The following CUBN variants were observed in gnomAD, a reference collection of about 807,000 sequenced individuals.
CUBN encodes the protein cubilin.
A neutral mutation model predicts 405.3 loss-of-function variants in CUBN; 282 were observed. That is an observed-to-expected ratio of 0.70 (90% CI 0.63 to 0.77). CUBN has a LOEUF of 0.77. Among genes scored for constraint, CUBN ranks in the 30% least tolerant of loss-of-function variants. The pLI, the probability that CUBN is intolerant of heterozygous loss-of-function variation, is 0.00. For synonymous variants in CUBN, 1,684 were observed against 1,617.0 expected, an observed-to-expected ratio of 1.04 and a Z score of -0.99; for missense variants, 4,514 against 4,475.2, an observed-to-expected ratio of 1.01 and a Z score of -0.25.
chr10:16,930,654 G>A (rs187324788), intron 40 of CUBN, among the ~76,000 whole-genome samples: 5 of 152,286 alleles, frequency 3.3e-5, no homozygotes, highest in East Asian at 3.9e-4. Context: ...GGGTAGATGC[G>A]TGGTCTGGAA....
intron 56 of CUBN, among the ~76,000 whole-genome samples, chr10:16,880,155 G>A (rs1303769784): frequency 2.0e-5 from 3 of 152,196 alleles, no homozygotes; most frequent in Non-Finnish European, 4.4e-5. Context: ...GTTTAAACCA[G>A]GTTGAATCAA....
At chr10:16,846,469 G>A (rs538146291) in intron 60 of CUBN, among the ~76,000 whole-genome samples, 19 of 152,238 alleles carry the variant, frequency 1.2e-4, no homozygotes, top group African/African-American at 4.6e-4. Flanking sequence ...TACATTATGG[G>A]TAGGTTATAG....
intron 43 of CUBN, among the ~76,000 whole-genome samples, chr10:16,924,840 A>G (rs562811308): frequency 6.6e-6 from 1 of 152,302 alleles, no homozygotes; most frequent in South Asian, 2.1e-4. Flanking sequence ...AAAACAGCAT[A>G]CAAATTATTA....
intron 22 of CUBN, among the ~76,000 whole-genome samples, chr10:17,062,324 T>C (rs941012223): frequency 6.6e-6 from 1 of 152,240 alleles, no homozygotes; most frequent in African/African-American, 2.4e-5. Context: ...TGTCCCTGTT[T>C]ATACTTTTAA....
intron 58 of CUBN, among the ~76,000 whole-genome samples, chr10:16,870,957 T>C (rs72771383): frequency 0.043 from 6,577 of 152,300 alleles, 217 homozygotes; most frequent in Non-Finnish European, 0.067. Flanking sequence ...GGGTTTATTA[T>C]AGCTTATTTT....
intron 28 of CUBN, among the ~76,000 whole-genome samples, chr10:17,016,776 G>C (rs1023298333): frequency 6.6e-6 from 1 of 152,098 alleles, no homozygotes; most frequent in Non-Finnish European, 1.5e-5. Flanking sequence ...ATAGGGAGCG[G>C]AGCTATAGGG....
rs754351697 is a variant in CUBN, at chr10:16,840,427, G to A, written c.9935C>T (p.Ser3312Phe). ...PFSICTWVID[S>F]PPHQQVKITV... Reference sequence around the variant, plus strand: ...TATCTTGACCTGCTGATGCGGAGGGGAATCAATGACCCAAGTACAGATGGA... The same window carrying A: ...TATCTTGACCTGCTGATGCGGAGGGAAATCAATGACCCAAGTACAGATGGA... The change falls in exon 62 of 67, where the codon TCC (serine) becomes TTC (phenylalanine). Residue 3312 changes from serine (S) to phenylalanine (F), a missense_variant. This residue lies in a region of CUBN where 1,186 missense variants were observed against 1,186.9 expected (regional missense o/e 1.00). Coordinates refer to ENST00000377833, the MANE Select transcript of CUBN (RefSeq NM_001081.4). The A allele has an allele frequency of 6.2e-7, 1 of 1,614,074 alleles. No homozygotes were observed. Among genetic ancestry groups the A allele is most frequent in the Non-Finnish European group, 8.5e-7 (1 of 1,179,978 alleles).
intron 59 of CUBN, among the ~76,000 whole-genome samples, chr10:16,854,917 C>A (rs893587494): frequency 6.6e-6 from 1 of 151,552 alleles, no homozygotes; most frequent in Non-Finnish European, 1.5e-5. Flanking sequence ...TCCTTTCCTT[C>A]CTTCCTTCCT....
intron 54 of CUBN, among the ~76,000 whole-genome samples, chr10:16,896,920 T>G (rs1370855959): frequency 1.3e-5 from 2 of 152,230 alleles, no homozygotes; most frequent in Non-Finnish European, 2.9e-5. Flanking sequence ...TCACTGATTC[T>G]ATTCTCTGTC....
chr10:16,937,849 T>A, intron 38 of CUBN, 65 bp from the exon 39 acceptor site: 1 of 1,420,112 alleles, frequency 7.0e-7, no homozygotes. Context: ...AAAGATAAAA[T>A]AAAAAAGATG....
chr10:16,872,381 G>A (rs1840384707), intron 58 of CUBN, among the ~76,000 whole-genome samples: 2 of 148,200 alleles, frequency 1.3e-5, no homozygotes, highest in Non-Finnish European at 2.9e-5. Flanking sequence ...CAGATAAAGA[G>A]AGAGAGAATA....
rs1424474997 is a variant in CUBN at position 16,825,097 on chromosome 10, A to C, written c.10765-15T>G. 1.9e-6 allele frequency: 3 copies of C among 1,561,124 alleles called. No individual in the cohort carries two copies. The African/African-American group carries it at 4.1e-5, about 21-fold the overall frequency. ...ATGCTGGTGTCCTAAAATTGAAAAA[A>C]AAAGTATCCAATTATATATTTCACA... is the stretch of plus-strand genomic sequence containing the variant. On this transcript the variant is annotated splice_polypyrimidine_tract_variant and intron_variant, in intron 66 of 66. Transcript: ENST00000377833.
intron 51 of CUBN, among the ~76,000 whole-genome samples, chr10:16,903,585 A>C (rs961291201): frequency 6.7e-6 from 1 of 149,936 alleles, no homozygotes; most frequent in Admixed American, 6.7e-5. Context: ...TGTATGCAAA[A>C]TTATAAAATT....
At chr10:17,069,828 C>T (rs924912576) in intron 19 of CUBN, among the ~76,000 whole-genome samples, 5 of 152,192 alleles carry the variant, frequency 3.3e-5, no homozygotes, top group African/African-American at 1.2e-4. Context: ...AGGTGTGAGC[C>T]ACTGTGCTCA....
Position 17,094,389 on chromosome 10 carries a change from C to T in CUBN, c.1765+5616G>A, listed in dbSNP as rs1022702954. Among the ~76,000 whole-genome samples the T allele has an allele frequency of 3.3e-5, 5 of 152,048 alleles. No homozygotes were observed. The East Asian group carries it at 9.6e-4, about 29-fold the overall frequency. On this transcript the variant is annotated intron_variant, in intron 14 of 66. Coordinates refer to ENST00000377833, the MANE Select transcript of CUBN (RefSeq NM_001081.4). ...GCTGAGGGAATCTGTCTTCAACAGA[C>T]ATGCTCTGTGAGAAATATTAAAATA...
At chr10:17,039,233 G>C (rs1378421289) in intron 27 of CUBN, among the ~76,000 whole-genome samples, 1 of 152,178 alleles carries the variant, frequency 6.6e-6, no homozygotes, top group African/African-American at 2.4e-5. Context: ...TCCTATTTTG[G>C]TTTGTGCTCC....
At chr10:16,877,923 G>T (rs1840559054) in intron 56 of CUBN, among the ~76,000 whole-genome samples, 1 of 152,136 alleles carries the variant, frequency 6.6e-6, no homozygotes, top group African/African-American at 2.4e-5. Context: ...ACACCCATAT[G>T]GTAACCTAAT....
At chr10:17,043,111 AC>A (rs1227873998) in intron 26 of CUBN, among the ~76,000 whole-genome samples, 6 of 152,188 alleles carry the variant, frequency 3.9e-5, no homozygotes, top group Non-Finnish European at 5.9e-5. Flanking sequence ...AGGTTTAGAG[AC>A]CATCTAATTT....
At chr10:17,029,751 G>A (rs1037911482) in intron 27 of CUBN, among the ~76,000 whole-genome samples, 7 of 152,024 alleles carry the variant, frequency 4.6e-5, no homozygotes, top group African/African-American at 9.7e-5. Context: ...AATCAAAGTC[G>A]GCTCAGATCC....
Sources: gnomAD v4.1 joint callset for allele counts (sites outside exome capture counted in the v4.1 genomes callset) on GRCh38, gnomAD v4.1.1 for gene constraint, gnomAD v4.1.1 regional missense constraint, MANE v1.5 for transcripts, NCBI Gene and HGNC (gene_info 2026-07-23, HGNC 2026-07-21) for gene names.